BDP1: variants seen among roughly 807,000 people sequenced by gnomAD.
BDP1 encodes BDP1 general transcription factor IIIB subunit.
A neutral mutation model predicts 266.6 loss-of-function variants in BDP1; 169 were observed. That is an observed-to-expected ratio of 0.63 (90% CI 0.56 to 0.72). The LOEUF (loss-of-function observed/expected upper bound fraction) is 0.72. Ranked by LOEUF, BDP1 falls within the 30% of genes least tolerant of loss-of-function variation. BDP1 has a pLI of 0.00. For synonymous variants in BDP1, 1,090 were observed against 1,022.4 expected (o/e 1.07, Z -1.26); for missense variants, 3,015 against 3,053.8 (o/e 0.99, Z 0.30).
At chr5:71,490,018 A>G (rs1235468709) in intron 10 of BDP1, among the ~76,000 whole-genome samples, 3 of 152,162 alleles carry the variant, frequency 2.0e-5, no homozygotes, top group Non-Finnish European at 4.4e-5. Flanking sequence ...TTCATGTTGT[A>G]CCTCTACAGA....
chr5:71,460,672 C>T (rs1761497353), intron 2 of BDP1, among the ~76,000 whole-genome samples: 2 of 152,048 alleles, frequency 1.3e-5, no homozygotes, highest in Admixed American at 6.6e-5. Flanking sequence ...TGAAATTGTG[C>T]TACTGCATTC....
chr5:71,525,091 C>A (rs530972385), intron 25 of BDP1, among the ~76,000 whole-genome samples: 1 of 152,362 alleles, frequency 6.6e-6, no homozygotes, highest in South Asian at 2.1e-4. Flanking sequence ...ACTGTTCCCC[C>A]CTTTCTATTC....
intron 7 of BDP1, among the ~76,000 whole-genome samples, chr5:71,473,423 C>T (rs910658174): frequency 8.6e-5 from 13 of 151,450 alleles, no homozygotes; most frequent in African/African-American, 2.7e-4. Context: ...TACAGGCACC[C>T]GCCACCACGC....
downstream of BDP1, among the ~76,000 whole-genome samples, chr5:71,572,521 T>G (rs1744301228): frequency 6.6e-6 from 1 of 152,300 alleles, no homozygotes; most frequent in South Asian, 2.1e-4. Flanking sequence ...AAAAAGGTAC[T>G]AGGAGCAGTG....
chr5:71,502,867 A>G (rs866360350), intron 15 of BDP1, 76 bp downstream of exon 15: 1 of 999,804 alleles, frequency 1.0e-6, no homozygotes, highest in Middle Eastern at 2.4e-4. Context: ...CTTCACCCAC[A>G]TACTTACATA....
chr5:71,547,969 A>C (rs1203442718), intron 32 of BDP1, among the ~76,000 whole-genome samples: 6 of 151,994 alleles, frequency 3.9e-5, no homozygotes, highest in Non-Finnish European at 7.4e-5. Flanking sequence ...ATAAATAAAT[A>C]AATAAAATAA....
At chr5:71,473,030 G>T (rs541061735) in intron 7 of BDP1, among the ~76,000 whole-genome samples, 1 of 150,342 alleles carries the variant, frequency 6.7e-6, no homozygotes, top group African/African-American at 2.4e-5. Flanking sequence ...CTACGGGCAC[G>T]TGCCACAATG....
chr5:71,470,702 C>G (rs1762188133), intron 7 of BDP1, among the ~76,000 whole-genome samples: 1 of 151,846 alleles, frequency 6.6e-6, no homozygotes, highest in Non-Finnish European at 1.5e-5. Context: ...ATTCTCATGC[C>G]TCAGCATGTC....
intron 6 of BDP1, 72 bp downstream of exon 6, chr5:71,467,559 G>T (rs1015251045): frequency 4.6e-6 from 6 of 1,316,384 alleles, no homozygotes; most frequent in East Asian, 2.3e-5. Flanking sequence ...AATTAAATCA[G>T]TTCTCCCCTA....
intron 13 of BDP1, among the ~76,000 whole-genome samples, chr5:71,501,025 G>T (rs1580081391): frequency 6.6e-6 from 1 of 151,748 alleles, no homozygotes; most frequent in East Asian, 1.9e-4. Context: ...TGAGCCTTGG[G>T]GGTCAAGGCT....
rs1013290816 is a variant in BDP1 at position 71,456,081 on chromosome 5, T to C, written c.204T>C (p.Pro68=). 2 of 1,612,818 alleles carry C rather than the reference T, an allele frequency of 1.2e-6. No homozygotes were observed. Among genetic ancestry groups the C allele is most frequent in the Non-Finnish European group, 1.7e-6 (2 of 1,179,884 alleles). Residue 68 remains proline, a synonymous_variant, in exon 1 of 39, where the codon CCT becomes CCC. Coordinates refer to ENST00000358731, the MANE Select transcript of BDP1 (RefSeq NM_018429.3). The part of the protein sequence containing the change: ...FGGAEPQEKA[P]RSSTEKTGGD... ...GAGCGGAGCCCCAAGAAAAGGCTCC[T>C]AGGAGCAGGTAAGAGGTTGCAGAGG...
chr5:71,505,542 G>C lies in BDP1; in HGVS notation c.2372+791G>C, dbSNP rs117981212. Among the ~76,000 whole-genome samples the C allele has an allele frequency of 7.2e-4, 109 of 152,154 alleles. 1 individual carries two copies. In the East Asian group the frequency reaches 0.019, roughly 26 times the overall value. On this transcript the variant is annotated intron_variant, in intron 16 of 38. Coordinates refer to ENST00000358731, the MANE Select transcript of BDP1 (RefSeq NM_018429.3). ...ACCAAGCCAGACTGATGGAATTACT[G>C]GTATACTATTTCAACTTTTCAACTT...
chr5:71,510,780 A>G lies in BDP1; in HGVS notation c.3688A>G (p.Ile1230Val), dbSNP rs199944691. The G allele has an allele frequency of 1.2e-4, 188 of 1,614,050 alleles. 1 individual carries two copies. The African/African-American group carries it at 2.2e-3, about 19-fold the overall frequency. Reference protein sequence around the residue: ...VGKMETDLKEIREEISQREKV... With the variant: ...VGKMETDLKEVREEISQREKV... ...TAAAATGGAGACAGATTTGAAAGAAATTAGAGAAGAAATTTCCCAAAGGGA... is the reference window on the plus strand; with the variant it reads ...TAAAATGGAGACAGATTTGAAAGAAGTTAGAGAAGAAATTTCCCAAAGGGA... The change falls in exon 17 of 39, where the codon ATT becomes GTT. Residue 1230 changes from isoleucine to valine, a missense_variant. By Grantham distance (29) the Ile-to-Val change is conservative. Transcript: ENST00000358731.
Position 71,522,796 on chromosome 5 carries a change from G to A in BDP1, c.5234G>A (p.Arg1745Lys). The A allele has an allele frequency of 6.2e-7, 1 of 1,607,416 alleles. No homozygotes were observed. Among genetic ancestry groups the A allele is most frequent in the Non-Finnish European group, 8.5e-7 (1 of 1,178,582 alleles). Reference protein sequence around the residue: ...ELLTSLEVSARKDCVGSKESA... With the variant: ...ELLTSLEVSAKKDCVGSKESA... Reference sequence around the variant, plus strand: ...CTGACATCTCTGGAGGTTTCAGCAAGAAAAGATTGTGTAGGTTCCAAAGAG... The same window carrying A: ...CTGACATCTCTGGAGGTTTCAGCAAAAAAAGATTGTGTAGGTTCCAAAGAG... The change falls in exon 24 of 39, where the codon AGA becomes AAA. Residue 1745 changes from arginine (R) to lysine (K), a missense_variant. Arg to Lys is a conservative substitution (Grantham distance 26). This residue lies in a region of BDP1 where 2,383 missense variants were observed against 2,404.9 expected (regional missense o/e 0.99). Transcript: ENST00000358731.
Position 71,455,852 on chromosome 5 carries a change from G to T in BDP1, c.-26G>T. ...CGGGGCTGTGAGCGGCCGTGAGGCT[G>T]CCTCCCCGGGCCCCCTGCCTCCGCC... On this transcript the variant is annotated 5_prime_UTR_variant, in exon 1 of 39. Transcript: ENST00000358731. 1.9e-6 allele frequency: 3 copies of T among 1,544,568 alleles called. No individual in the cohort carries two copies. Among genetic ancestry groups the T allele is most frequent in the Non-Finnish European group, 2.6e-6 (3 of 1,143,704 alleles).
chr5:71,480,948 G>A (rs890831509), intron 7 of BDP1, among the ~76,000 whole-genome samples: 4 of 152,096 alleles, frequency 2.6e-5, no homozygotes. Flanking sequence ...AGGCCAAGGC[G>A]GGTGGATCAC....
At chr5:71,548,434 A>G (rs1423500935) in intron 32 of BDP1, among the ~76,000 whole-genome samples, 1 of 152,142 alleles carries the variant, frequency 6.6e-6, no homozygotes, top group Non-Finnish European at 1.5e-5. Flanking sequence ...GGGTCTCCCT[A>G]TCCTGTCACT....
At chr5:71,467,513 G>A (rs750204841) in intron 6 of BDP1, 26 bp downstream of exon 6, 6 of 1,532,072 alleles carry the variant, frequency 3.9e-6, no homozygotes, top group Non-Finnish European at 4.5e-6. Flanking sequence ...TTAAAAATGT[G>A]TAAGTTCTCT....
intron 31 of BDP1, among the ~76,000 whole-genome samples, chr5:71,544,786 A>G (rs761777605): frequency 2.7e-5 from 4 of 146,742 alleles, no homozygotes; most frequent in Non-Finnish European, 4.5e-5. Flanking sequence ...AGGCCGAGGC[A>G]GGAGAATCGT....
Sources: gnomAD v4.1 joint callset for allele counts (sites outside exome capture counted in the v4.1 genomes callset) on GRCh38, gnomAD v4.1.1 for gene constraint, gnomAD v4.1.1 regional missense constraint, MANE v1.5 for transcripts, NCBI Gene and HGNC (gene_info 2026-07-23, HGNC 2026-07-21) for gene names.